Variants in CTXN3 observed in about 807,000 individuals in gnomAD.
CTXN3 encodes the protein cortexin 3, also known as cortexin-3.
A neutral mutation model predicts 5.0 loss-of-function variants in CTXN3; 4 were observed. The ratio of observed to expected loss-of-function variants is 0.79; its 90% CI spans 0.39 to 1.82. The LOEUF is 1.82. CTXN3 is among the 40% of genes most tolerant of loss of function. CTXN3 has a pLI of 0.04. For missense variants in CTXN3, 89 were observed against 99.7 expected (o/e 0.89, Z 0.46); for synonymous variants, 48 against 38.6 (o/e 1.24, Z -0.91).
chr5:127,649,647 G>C lies in CTXN3; in HGVS notation c.-207+259G>C, dbSNP rs927458894. Among the ~76,000 whole-genome samples, 8 of 152,122 alleles carry C rather than the reference G, an allele frequency of 5.3e-5. No homozygotes were observed. The East Asian group carries it at 1.5e-3, about 29-fold the overall frequency. ...ACTGGATGAAGAAGTAGTAAAACAG[G>C]CTTTTTTTTCTTTCCTAAGCTGCAG... On this transcript the variant is annotated intron_variant, in intron 1 of 2. Coordinates refer to ENST00000379445, the MANE Select transcript of CTXN3 (RefSeq NM_001048252.3).
rs1338846875 is a variant in CTXN3 at position 127,654,597 on chromosome 5, G to A, written c.-100+1174G>A. Among the ~76,000 whole-genome samples, 8 of 152,192 alleles carry A rather than the reference G, an allele frequency of 5.3e-5. No individual in the cohort carries two copies. In the East Asian group the frequency reaches 7.7e-4, roughly 15 times the overall value. ...TTGCCTACCACTGCAGCCCCCAAAT[G>A]AATGGTTTGCTCGCTGTAAATCCTG... On this transcript the variant is annotated intron_variant, in intron 2 of 2. Transcript: ENST00000379445.
At chr5:127,653,271 T>G (rs572049874) in intron 1 of CTXN3, 46 bp from the exon 2 acceptor site, 2 of 152,364 alleles carry the variant, frequency 1.3e-5, no homozygotes, top group African/African-American at 4.8e-5. Context: ...ATTATATGAC[T>G]TTTGAAAAGG....
chr5:127,649,986 G>A (rs537844766), intron 1 of CTXN3, among the ~76,000 whole-genome samples: 17 of 152,180 alleles, frequency 1.1e-4, no homozygotes, highest in Admixed American at 2.6e-4. Flanking sequence ...TGATACCACC[G>A]ATTCCTGACT....
intron 1 of CTXN3, 63 bp from the exon 2 acceptor site, chr5:127,653,254 G>C (rs1048125090): frequency 6.6e-6 from 1 of 152,124 alleles, no homozygotes; most frequent in Admixed American, 6.5e-5. Flanking sequence ...CTCGAGCAAG[G>C]GAATGTATTA....
chr5:127,651,485 G>T (rs1268196088), intron 1 of CTXN3, among the ~76,000 whole-genome samples: 1 of 151,996 alleles, frequency 6.6e-6, no homozygotes, highest in Non-Finnish European at 1.5e-5. Context: ...GGTGGTAGGG[G>T]GTGGTGCTAC....
At chr5:127,652,054 G>A (rs747980600) in intron 1 of CTXN3, among the ~76,000 whole-genome samples, 58 of 152,152 alleles carry the variant, frequency 3.8e-4, no homozygotes, top group Non-Finnish European at 2.2e-4. Flanking sequence ...GATTAGGTAA[G>A]AAAGAATTGA....
At chr5:127,653,246 C>T (rs144443024) in intron 1 of CTXN3, 71 bp from the exon 2 acceptor site, 1 of 152,224 alleles carries the variant, frequency 6.6e-6, no homozygotes, top group East Asian at 1.9e-4. Flanking sequence ...GAGCTTGACT[C>T]GAGCAAGGGA....
chr5:127,656,065 G>T (rs1360643519), intron 2 of CTXN3, among the ~76,000 whole-genome samples: 1 of 152,102 alleles, frequency 6.6e-6, no homozygotes, highest in African/African-American at 2.4e-5. Flanking sequence ...GATGCTTTAG[G>T]TCACATATTC....
chr5:127,652,243 C>T (rs1350035798), intron 1 of CTXN3: 1 of 152,168 alleles, frequency 6.6e-6, no homozygotes, highest in Admixed American at 6.5e-5. Flanking sequence ...TTCTTTCAAA[C>T]AAGACTTACT....
intron 1 of CTXN3, chr5:127,653,028 G>A: frequency 6.6e-6 from 1 of 152,230 alleles, no homozygotes; most frequent in Non-Finnish European, 1.5e-5. Context: ...GGTTTTCTGA[G>A]GGGAAGAGTG....
Position 127,657,499 on chromosome 5 carries a change from C to A in CTXN3, c.-23C>A. On this transcript the variant is annotated 5_prime_UTR_variant, in exon 3 of 3. The change creates a new upstream start codon in the 5' untranslated region. Transcript: ENST00000379445. Reference sequence around the variant, plus strand: ...TGGAAGAAAAGAAAACCAGGATATCCTGTGCTCTGGCTTCCCTGGACCATG... The same window carrying A: ...TGGAAGAAAAGAAAACCAGGATATCATGTGCTCTGGCTTCCCTGGACCATG... The A allele has an allele frequency of 6.2e-7, 1 of 1,612,850 alleles. No individual in the cohort carries two copies. The highest frequency in any genetic ancestry group is 8.5e-7 in the Non-Finnish European group (1 of 1,179,402).
chr5:127,657,544 C>A lies in CTXN3; in HGVS notation c.23C>A (p.Pro8His). MDGGQPI[P>H]SSLVPLGNES... ...ACCATGGATGGAGGACAGCCCATCC[C>A]CTCATCCCTAGTGCCCCTTGGGAAC... Residue 8 changes from proline to histidine, a missense_variant, in exon 3 of 3, where the codon CCC becomes CAC. Transcript: ENST00000379445. The A allele has an allele frequency of 6.2e-7, 1 of 1,614,036 alleles. No homozygotes were observed. Among genetic ancestry groups the A allele is most frequent in the Non-Finnish European group, 8.5e-7 (1 of 1,179,944 alleles).
intron 2 of CTXN3, among the ~76,000 whole-genome samples, chr5:127,656,551 T>C (rs987069650): frequency 2.6e-5 from 4 of 152,182 alleles, no homozygotes; most frequent in Non-Finnish European, 5.9e-5. Context: ...GGGTCAAGTA[T>C]TGAACCTGGT....
intron 1 of CTXN3, among the ~76,000 whole-genome samples, chr5:127,650,616 T>C (rs1749765637): frequency 6.6e-6 from 1 of 152,228 alleles, no homozygotes; most frequent in Admixed American, 6.5e-5. Context: ...ATGAATTCTT[T>C]GAATTTATAT....
At chr5:127,657,033 G>T (rs1004150946) in intron 2 of CTXN3, among the ~76,000 whole-genome samples, 1 of 152,188 alleles carries the variant, frequency 6.6e-6, no homozygotes, top group African/African-American at 2.4e-5. Context: ...CATAGCTGAG[G>T]CTCCCTCAAT....
intron 1 of CTXN3, among the ~76,000 whole-genome samples, chr5:127,650,918 C>G (rs1214270914): frequency 6.6e-6 from 1 of 152,098 alleles, no homozygotes; most frequent in Non-Finnish European, 1.5e-5. Flanking sequence ...TCCTTTAGTG[C>G]TAAAAGTAGA....
At chr5:127,655,006 G>A (rs1401199468) in intron 2 of CTXN3, among the ~76,000 whole-genome samples, 2 of 152,108 alleles carry the variant, frequency 1.3e-5, no homozygotes, top group African/African-American at 4.8e-5. Context: ...GCTCATGCCT[G>A]TAATCCCAGC....
chr5:127,653,865 T>C (rs1476662591), intron 2 of CTXN3, among the ~76,000 whole-genome samples: 1 of 152,150 alleles, frequency 6.6e-6, no homozygotes, highest in Non-Finnish European at 1.5e-5. Context: ...TTAGTCAGCA[T>C]TGGTTTCTGG....
chr5:127,657,141 C>T (rs1749927609), intron 2 of CTXN3, among the ~76,000 whole-genome samples: 1 of 152,182 alleles, frequency 6.6e-6, no homozygotes. Context: ...GTTGACAGTA[C>T]ACCCTGAGGT....
Sources: allele counts gnomAD v4.1 joint callset (sites outside exome capture counted in the v4.1 genomes callset), GRCh38; gene constraint gnomAD v4.1.1; transcripts MANE v1.5; gene names NCBI Gene and HGNC (gene_info 2026-07-23, HGNC 2026-07-21).